The following CADPS2 variants were observed in gnomAD, a reference collection of about 807,000 sequenced individuals.
CADPS2 encodes calcium dependent secretion activator 2.
CADPS2 carries 93 observed loss-of-function variants against 172.5 expected under a neutral mutation model. That is an observed-to-expected ratio of 0.54 (90% CI 0.46 to 0.64). The LOEUF (loss-of-function observed/expected upper bound fraction) is 0.64. CADPS2 is among the 30% of genes least tolerant of loss of function. The probability of loss-of-function intolerance (pLI) is 0.00; values close to 1 mark genes in which losing one functional copy is unlikely to be tolerated. For synonymous variants in CADPS2, 546 were observed against 555.2 expected, an observed-to-expected ratio of 0.98 and a Z score of 0.23; for missense variants, 1,420 against 1,565.9, an observed-to-expected ratio of 0.91 and a Z score of 1.57.
intron 20 of CADPS2, among the ~76,000 whole-genome samples, chr7:122,399,660 C>CTTTTTTTGTTTTTTT (rs2045649562): frequency 2.0e-5 from 1 of 51,210 alleles, no homozygotes; most frequent in Non-Finnish European, 3.7e-5. Flanking sequence ...GGGTGGGTTT[C>CTTTTTTTGTTTTTTT]TTTTTTTTTT....
chr7:122,820,268 C>T (rs1802748712), intron 1 of CADPS2, among the ~76,000 whole-genome samples: 1 of 152,150 alleles, frequency 6.6e-6, no homozygotes, highest in Non-Finnish European at 1.5e-5. Context: ...CAGCAAATTA[C>T]CTAGGCTGCA....
chr7:122,865,493 C>T (rs1015557650), intron 1 of CADPS2, among the ~76,000 whole-genome samples: 1 of 152,222 alleles, frequency 6.6e-6, no homozygotes, highest in Non-Finnish European at 1.5e-5. Flanking sequence ...CCAATTCTTG[C>T]TCCTATTGCA....
At chr7:122,589,828 G>A (rs1331380191) in intron 6 of CADPS2, among the ~76,000 whole-genome samples, 1 of 151,846 alleles carries the variant, frequency 6.6e-6, no homozygotes, top group Non-Finnish European at 1.5e-5. Context: ...TACCTTACAA[G>A]TATGGGCTTA....
chr7:122,676,797 G>A, intron 2 of CADPS2: 1 of 873,996 alleles, frequency 1.1e-6, no homozygotes, highest in East Asian at 2.7e-5. Context: ...TCATTTCCAT[G>A]GGACAAGATT....
At chr7:122,471,253 TTCC>T in intron 14 of CADPS2, 119 bp downstream of exon 14, 1 of 662,566 alleles carries the variant, frequency 1.5e-6, no homozygotes, top group Non-Finnish European at 2.3e-6. Context: ...TTTTTTTTTT[TTCC>T]TTGTAAGAAG....
chr7:122,807,783 G>C (rs546404139), intron 1 of CADPS2, among the ~76,000 whole-genome samples: 1 of 152,070 alleles, frequency 6.6e-6, no homozygotes, highest in South Asian at 2.1e-4. Context: ...GGGGGCATTG[G>C]GGGAAGGTGG....
At position 122,434,236 on chromosome 7, in the gene CADPS2, A is replaced by G. The variant is rs542520036; in HGVS notation, c.2476+4105T>C. Among the ~76,000 whole-genome samples the G allele has an allele frequency of 3.9e-4, 59 of 152,302 alleles. 1 individual carries two copies. The South Asian group carries it at 0.012, about 31-fold the overall frequency. ...ATTTTTTTCTAATTCATTTTTCTCT[A>G]AAGTGCACTTAGCAATCATTGTAGG... On this transcript the variant is annotated intron_variant, in intron 17 of 29. Transcript: ENST00000449022.
At chr7:122,462,067 A>G (rs965925964) in intron 14 of CADPS2, among the ~76,000 whole-genome samples, 15 of 152,234 alleles carry the variant, frequency 9.9e-5, no homozygotes, top group Non-Finnish European at 1.9e-4. Flanking sequence ...ATAAGAGTCC[A>G]TTTATAGGAA....
intron 19 of CADPS2, 171 bp from the exon 20 acceptor site, chr7:122,407,867 A>T: frequency 1.7e-6 from 1 of 603,532 alleles, no homozygotes. Flanking sequence ...TACACATTAA[A>T]ATCATAGATT....
chr7:122,521,507 G>A (rs901263490), intron 8 of CADPS2, among the ~76,000 whole-genome samples: 6 of 151,664 alleles, frequency 4.0e-5, no homozygotes, highest in African/African-American at 1.2e-4. Flanking sequence ...TTTCAACTAA[G>A]GATGAAAAAA....
At chr7:122,836,878 A>G (rs1423104145) in intron 1 of CADPS2, among the ~76,000 whole-genome samples, 2 of 152,146 alleles carry the variant, frequency 1.3e-5, no homozygotes. Context: ...ACGAGACAGA[A>G]AGTTAACAAG....
At chr7:122,670,476 C>T (rs1296351128) in intron 2 of CADPS2, among the ~76,000 whole-genome samples, 1 of 148,532 alleles carries the variant, frequency 6.7e-6, no homozygotes, top group African/African-American at 2.5e-5. Flanking sequence ...GAGGCCAAGG[C>T]AGGTGGATCA....
At chr7:122,422,465 C>T (rs1047012539) in intron 17 of CADPS2, among the ~76,000 whole-genome samples, 1 of 152,156 alleles carries the variant, frequency 6.6e-6, no homozygotes, top group African/African-American at 2.4e-5. Flanking sequence ...TTTTCCCTCT[C>T]CCCACTAAAG....
chr7:122,482,402 G>A (rs1029277226), intron 11 of CADPS2, among the ~76,000 whole-genome samples: 7 of 151,934 alleles, frequency 4.6e-5, no homozygotes, highest in African/African-American at 9.7e-5. Context: ...ATTACATAAC[G>A]CACAGGAAAA....
At chr7:122,365,377 T>C (rs909574712) in intron 25 of CADPS2, among the ~76,000 whole-genome samples, 1 of 152,144 alleles carries the variant, frequency 6.6e-6, no homozygotes, top group African/African-American at 2.4e-5. Context: ...ACAGGAAAGT[T>C]TTCTTTGTAA....
intron 24 of CADPS2, 131 bp downstream of exon 24, chr7:122,386,895 G>T: frequency 1.1e-6 from 1 of 874,298 alleles, no homozygotes; most frequent in Non-Finnish European, 1.7e-6. Flanking sequence ...TGTTATTATA[G>T]TAAAGATCAA....
At chr7:122,609,086 T>G (rs1320411371) in intron 6 of CADPS2, among the ~76,000 whole-genome samples, 1 of 152,088 alleles carries the variant, frequency 6.6e-6, no homozygotes, top group East Asian at 1.9e-4. Context: ...CCCTATTTGT[T>G]TTTAATAATG....
At chr7:122,818,226 A>C (rs1345381490) in intron 1 of CADPS2, among the ~76,000 whole-genome samples, 2 of 151,904 alleles carry the variant, frequency 1.3e-5, no homozygotes, top group East Asian at 3.9e-4. Flanking sequence ...TCTGTTCTCA[A>C]AAACTTAAAA....
chr7:122,503,891 G>A (rs1242380744), intron 9 of CADPS2, among the ~76,000 whole-genome samples: 1 of 152,104 alleles, frequency 6.6e-6, no homozygotes, highest in African/African-American at 2.4e-5. Flanking sequence ...AAAATAATTT[G>A]GGTGATGAAT....
Sources: gnomAD v4.1 joint callset for allele counts (sites outside exome capture counted in the v4.1 genomes callset) on GRCh38, gnomAD v4.1.1 for gene constraint, MANE v1.5 for transcripts, NCBI Gene and HGNC (gene_info 2026-07-23, HGNC 2026-07-21) for gene names.